Variants in RBFOX1 observed in about 807,000 individuals in gnomAD.
RBFOX1 encodes the protein RNA binding protein fox-1 homolog 1.
RBFOX1 carries 8 observed loss-of-function variants against 57.7 expected under a neutral mutation model. The observed-to-expected ratio is 0.14, with a 90% CI of 0.08 to 0.25. The LOEUF (loss-of-function observed/expected upper bound fraction) is 0.25. Among genes scored for constraint, RBFOX1 ranks in the 10% least tolerant of loss-of-function variants. The pLI is 1.00. For synonymous variants in RBFOX1, 326 were observed against 222.4 expected, an observed-to-expected ratio of 1.47 and a Z score of -4.15; for missense variants, 611 against 548.5, an observed-to-expected ratio of 1.11 and a Z score of -1.14.
chr16:7,368,480 C>G (rs893793491), intron 4 of RBFOX1, among the ~76,000 whole-genome samples: 1 of 151,798 alleles, frequency 6.6e-6, no homozygotes, highest in African/African-American at 2.4e-5. Flanking sequence ...TCTTAATTCA[C>G]TTTAAAAAAA....
chr16:6,748,235 G>C lies in RBFOX1; in HGVS notation c.-16+93585G>C, dbSNP rs147391733. Among the ~76,000 whole-genome samples the C allele has an allele frequency of 9.2e-5, 14 of 152,054 alleles. 1 individual carries two copies. Among genetic ancestry groups the C allele is most frequent in the African/African-American group, 3.4e-4 (14 of 41,488 alleles). ...AGTACCATGCTGTGCATAAATTCCA[G>C]AAGTATACAGACCCAGCCTTCTTTT... is the stretch of plus-strand genomic sequence containing the variant. On this transcript the variant is annotated intron_variant, in intron 3 of 15. Coordinates refer to ENST00000550418, the MANE Select transcript of RBFOX1 (RefSeq NM_018723.4).
intron 2 of RBFOX1, among the ~76,000 whole-genome samples, chr16:6,526,065 G>A (rs2096573494): frequency 1.3e-5 from 2 of 152,170 alleles, no homozygotes; most frequent in African/African-American, 2.4e-5. Flanking sequence ...TCACTTACAT[G>A]ACCAGGTTTT....
At chr16:6,718,953 C>T (rs887929010) in intron 3 of RBFOX1, among the ~76,000 whole-genome samples, 7 of 151,990 alleles carry the variant, frequency 4.6e-5, no homozygotes, top group African/African-American at 1.5e-4. Context: ...GCTTCAACCT[C>T]CGGGGCTCAA....
intron 4 of RBFOX1, among the ~76,000 whole-genome samples, chr16:7,496,274 C>G (rs1468244345): frequency 6.6e-6 from 1 of 152,204 alleles, no homozygotes; most frequent in Non-Finnish European, 1.5e-5. Context: ...TCCCAAGTAG[C>G]TGGAATTACA....
At position 5,750,139 on chromosome 16, in the gene RBFOX1, C is replaced by G. The variant is rs1300640672; in HGVS notation, c.319-117164C>G. 2.0e-5 allele frequency among the ~76,000 whole-genome samples: 3 copies of G among 152,198 alleles called. No homozygotes were observed. In the South Asian group the frequency reaches 6.2e-4, roughly 32 times the overall value. Reference sequence around the variant, plus strand: ...AGTTTGCTGGAGGTCCATTCCAGACCCTGTTTGCCTGGGTATCAGCAGCAG... The same window carrying G: ...AGTTTGCTGGAGGTCCATTCCAGACGCTGTTTGCCTGGGTATCAGCAGCAG... On this transcript the variant is annotated intron_variant, in intron 3 of 19. Coordinates refer to the RBFOX1 transcript ENST00000641259.
intron 3 of RBFOX1, among the ~76,000 whole-genome samples, chr16:5,665,719 G>C (rs571714894): frequency 1.8e-4 from 28 of 152,310 alleles, no homozygotes; most frequent in African/African-American, 6.5e-4. Context: ...TGAGTGTCCT[G>C]ATCTTAGCAC....
chr16:6,744,761 T>C (rs2073168264), intron 3 of RBFOX1, among the ~76,000 whole-genome samples: 1 of 152,082 alleles, frequency 6.6e-6, no homozygotes, highest in Non-Finnish European at 1.5e-5. Flanking sequence ...CTTAAATCAC[T>C]TACTTTATCT....
chr16:7,174,277 C>T (rs1298793969), intron 4 of RBFOX1, among the ~76,000 whole-genome samples: 8 of 152,034 alleles, frequency 5.3e-5, no homozygotes, highest in Non-Finnish European at 1.0e-4. Context: ...AGTAATATTC[C>T]ATGGTATGGA....
chr16:6,278,824 A>G (rs1458635767), intron 1 of RBFOX1, among the ~76,000 whole-genome samples: 1 of 152,212 alleles, frequency 6.6e-6, no homozygotes, highest in East Asian at 1.9e-4. Flanking sequence ...ACAGCTTAAC[A>G]GCATTGTAAG....
At chr16:7,059,126 G>T (rs1298900646) in intron 4 of RBFOX1, among the ~76,000 whole-genome samples, 1 of 152,134 alleles carries the variant, frequency 6.6e-6, no homozygotes, top group South Asian at 2.1e-4. Context: ...CCTTCATCTG[G>T]ACATCAGATA....
rs192851930 is a variant in RBFOX1, at chr16:6,124,910, C to G, written c.-127+104918C>G. The stretch of plus-strand genomic sequence containing the variant: ...TTTTTAACCATCTACAACCAGCCTG[C>G]TTTCCATATTTCACAGTGCCTCACC... On this transcript the variant is annotated intron_variant, in intron 1 of 15. Coordinates refer to ENST00000550418, the MANE Select transcript of RBFOX1 (RefSeq NM_018723.4). Among the ~76,000 whole-genome samples, 337 of 152,274 alleles carry G rather than the reference C, an allele frequency of 2.2e-3. 3 individuals are homozygous for G. The highest frequency in any genetic ancestry group is 7.7e-3 in the African/African-American group (319 of 41,544).
chr16:7,186,675 ATACT>A (rs150697156), intron 4 of RBFOX1, among the ~76,000 whole-genome samples: 4 of 148,220 alleles, frequency 2.7e-5, no homozygotes, highest in Non-Finnish European at 4.5e-5. Context: ...ATTTATATAC[ATACT>A]TACGTCTTTA....
intron 3 of RBFOX1, among the ~76,000 whole-genome samples, chr16:5,664,948 C>CTT (rs35998497): frequency 0.14 from 20,909 of 146,828 alleles, 1,742 homozygotes; most frequent in East Asian, 0.4. Flanking sequence ...TATCTCTGCT[C>CTT]TTTTTTTTTT....
chr16:5,618,924 G>C (rs1181682879), intron 3 of RBFOX1, among the ~76,000 whole-genome samples: 1 of 152,190 alleles, frequency 6.6e-6, no homozygotes, highest in Non-Finnish European at 1.5e-5. Context: ...GAGAGCTCCA[G>C]GTAGGGCAGA....
intron 2 of RBFOX1, among the ~76,000 whole-genome samples, chr16:6,508,163 T>C (rs974546889): frequency 1.3e-5 from 2 of 152,082 alleles, no homozygotes; most frequent in African/African-American, 4.8e-5. Context: ...AGCTAAATGA[T>C]GAGAACGCAT....
chr16:6,285,273 C>G (rs1386906498), intron 1 of RBFOX1, among the ~76,000 whole-genome samples: 8 of 152,028 alleles, frequency 5.3e-5, no homozygotes, highest in Non-Finnish European at 1.2e-4. Context: ...GCCTCCATGA[C>G]AAAGGCATTT....
intron 2 of RBFOX1, among the ~76,000 whole-genome samples, chr16:6,384,521 A>G (rs1206147985): frequency 6.6e-6 from 1 of 152,166 alleles, no homozygotes; most frequent in Non-Finnish European, 1.5e-5. Context: ...GGGCTTCTGA[A>G]GAGTGTGCAT....
intron 4 of RBFOX1, among the ~76,000 whole-genome samples, chr16:7,357,880 G>C (rs1186247373): frequency 6.6e-6 from 1 of 152,098 alleles, no homozygotes; most frequent in Non-Finnish European, 1.5e-5. Flanking sequence ...CTTCAGTCTA[G>C]TTTTGGTTCC....
chr16:6,496,540 A>G (rs778004046), intron 2 of RBFOX1, among the ~76,000 whole-genome samples: 2 of 152,240 alleles, frequency 1.3e-5, no homozygotes, highest in Non-Finnish European at 2.9e-5. Flanking sequence ...GTATCAGTTT[A>G]GGCACAGTTA....
Sources: allele counts gnomAD v4.1 joint callset (sites outside exome capture counted in the v4.1 genomes callset), GRCh38; gene constraint gnomAD v4.1.1; transcripts MANE v1.5; gene names NCBI Gene and HGNC (gene_info 2026-07-23, HGNC 2026-07-21).